The following TMEM132C variants were observed in gnomAD, a reference collection of about 807,000 sequenced individuals.
The protein encoded by TMEM132C is protein phosphatase 1, regulatory subunit 152.
TMEM132C carries 29 observed loss-of-function variants against 61.4 expected under a neutral mutation model. The ratio of observed to expected loss-of-function variants is 0.47; its 90% confidence interval spans 0.35 to 0.64. The LOEUF (loss-of-function observed/expected upper bound fraction) is 0.64, where lower values mean the gene tolerates loss of function less well. Among genes scored for constraint, TMEM132C ranks in the 30% least tolerant of loss-of-function variants. The probability of loss-of-function intolerance (pLI) is 0.00; values close to 1 mark genes in which losing one functional copy is unlikely to be tolerated. For missense variants in TMEM132C, 1,408 were observed against 1,476.9 expected (o/e 0.95, Z 0.76); for synonymous variants, 656 against 633.1 (o/e 1.04, Z -0.54).
intron 3 of TMEM132C, among the ~76,000 whole-genome samples, chr12:128,611,245 C>T (rs904746068): frequency 6.6e-6 from 1 of 152,206 alleles, no homozygotes; most frequent in Non-Finnish European, 1.5e-5. Context: ...TGTGTGTGCT[C>T]CCCTTAAAGG....
intron 1 of TMEM132C, among the ~76,000 whole-genome samples, chr12:128,333,677 T>C (rs557322850): frequency 6.6e-6 from 1 of 151,118 alleles, no homozygotes; most frequent in East Asian, 1.9e-4. Flanking sequence ...GTGGTGTGTA[T>C]GTGTGAGAGT....
chr12:128,648,223 C>G (rs1566002242), intron 4 of TMEM132C, among the ~76,000 whole-genome samples: 1 of 150,006 alleles, frequency 6.7e-6, no homozygotes, highest in African/African-American at 2.5e-5. Flanking sequence ...AGTGTGTTTA[C>G]TAGATCCCAT....
chr12:128,537,731 A>G (rs1873584777), intron 2 of TMEM132C, among the ~76,000 whole-genome samples: 1 of 152,188 alleles, frequency 6.6e-6, no homozygotes, highest in South Asian at 2.1e-4. Context: ...GGCTACTCAA[A>G]TCTATACATA....
chr12:128,617,608 G>T (rs867010202), intron 4 of TMEM132C, among the ~76,000 whole-genome samples: 3 of 151,744 alleles, frequency 2.0e-5, no homozygotes, highest in African/African-American at 7.3e-5. Flanking sequence ...CAGATGCAGA[G>T]TCAGGTGGGA....
At chr12:128,609,572 A>G (rs911419748) in intron 3 of TMEM132C, among the ~76,000 whole-genome samples, 2 of 151,800 alleles carry the variant, frequency 1.3e-5, no homozygotes, top group African/African-American at 2.4e-5. Context: ...TGGCTTTTCA[A>G]ATTTGAACTC....
chr12:128,682,215 G>A (rs1210248388), intron 5 of TMEM132C, among the ~76,000 whole-genome samples: 1 of 152,222 alleles, frequency 6.6e-6, no homozygotes, highest in Non-Finnish European at 1.5e-5. Context: ...AGTGGGGCAA[G>A]GGAAGACCCC....
chr12:128,280,988 C>T (rs893249704), intron 1 of TMEM132C, among the ~76,000 whole-genome samples: 1 of 152,106 alleles, frequency 6.6e-6, no homozygotes, highest in East Asian at 1.9e-4. Flanking sequence ...AGAAAAAGAA[C>T]GATACATATT....
At chr12:128,651,037 C>T (rs1490710229) in intron 4 of TMEM132C, among the ~76,000 whole-genome samples, 1 of 152,204 alleles carries the variant, frequency 6.6e-6, no homozygotes, top group Non-Finnish European at 1.5e-5. Flanking sequence ...AGATTCAAAC[C>T]ATGACTTGCT....
chr12:128,557,797 C>T (rs1165400958), intron 3 of TMEM132C, among the ~76,000 whole-genome samples: 1 of 152,214 alleles, frequency 6.6e-6, no homozygotes, highest in East Asian at 1.9e-4. Flanking sequence ...TGGCAAACTG[C>T]AGTAGAAATG....
intron 3 of TMEM132C, among the ~76,000 whole-genome samples, chr12:128,565,676 G>A (rs1325765002): frequency 6.6e-6 from 1 of 152,108 alleles, no homozygotes; most frequent in Non-Finnish European, 1.5e-5. Context: ...TGATATTTAA[G>A]GGCATTAAAA....
At chr12:128,625,272 G>A (rs1409646046) in intron 4 of TMEM132C, among the ~76,000 whole-genome samples, 1 of 152,178 alleles carries the variant, frequency 6.6e-6, no homozygotes, top group Admixed American at 6.5e-5. Flanking sequence ...TTACAGTTCT[G>A]GGGGCTGGAA....
chr12:128,294,986 A>AATAGATAGATAG (rs1555251003), intron 1 of TMEM132C, among the ~76,000 whole-genome samples: 32 of 150,296 alleles, frequency 2.1e-4, no homozygotes, highest in African/African-American at 6.1e-4. Context: ...ATAAATAAAT[A>AATAGATAGATAG]ATAGATAGAT....
intron 5 of TMEM132C, among the ~76,000 whole-genome samples, chr12:128,683,523 C>T (rs1954651539): frequency 6.6e-6 from 1 of 152,182 alleles, no homozygotes; most frequent in Non-Finnish European, 1.5e-5. Context: ...TCAAATCCAG[C>T]TCCAACTCCT....
chr12:128,516,439 A>G (rs887809641), intron 2 of TMEM132C, among the ~76,000 whole-genome samples: 3 of 152,320 alleles, frequency 2.0e-5, no homozygotes, highest in Admixed American at 6.5e-5. Flanking sequence ...GTGGAAGAAC[A>G]TCAGGACACA....
intron 2 of TMEM132C, among the ~76,000 whole-genome samples, chr12:128,503,824 AGCCT>A (rs755452380): frequency 1.3e-5 from 2 of 152,210 alleles, no homozygotes; most frequent in Non-Finnish European, 2.9e-5. Flanking sequence ...CAGTGTGGTC[AGCCT>A]CTCTGGTGTT....
intron 2 of TMEM132C, among the ~76,000 whole-genome samples, chr12:128,419,379 C>G (rs1713580): frequency 0.9 from 137,499 of 152,184 alleles, 62,600 homozygotes; most frequent in East Asian, 1. Flanking sequence ...AGGATGAGTG[C>G]GAAGGCTCTG....
chr12:128,529,710 T>TG (rs1873217008), intron 2 of TMEM132C, among the ~76,000 whole-genome samples: 2 of 152,090 alleles, frequency 1.3e-5, no homozygotes, highest in Admixed American at 6.6e-5. Flanking sequence ...TGCTTGAACC[T>TG]GGGAGGTGGA....
chr12:128,601,442 G>A (rs1215056376), intron 3 of TMEM132C, among the ~76,000 whole-genome samples: 1 of 152,244 alleles, frequency 6.6e-6, no homozygotes. Context: ...CGGTGTCCTT[G>A]CTGCCATGGG....
At chr12:128,416,771 C>G (rs1429381634) in intron 2 of TMEM132C, among the ~76,000 whole-genome samples, 1 of 152,190 alleles carries the variant, frequency 6.6e-6, no homozygotes, top group Non-Finnish European at 1.5e-5. Flanking sequence ...TTGTCATGAT[C>G]TCTATAGTTT....
Sources: allele counts gnomAD v4.1 joint callset (sites outside exome capture counted in the v4.1 genomes callset), GRCh38; gene constraint gnomAD v4.1.1; transcripts MANE v1.5; gene names NCBI Gene and HGNC (gene_info 2026-07-23, HGNC 2026-07-21).